The following SAMD5 variants were observed in gnomAD, a reference collection of about 807,000 sequenced individuals.
The protein encoded by SAMD5 is sterile alpha motif domain-containing protein 5.
A neutral mutation model predicts 11.3 loss-of-function variants in SAMD5; 13 were observed. That is an observed-to-expected ratio of 1.15 (90% CI 0.75 to 1.83). The LOEUF (loss-of-function observed/expected upper bound fraction) is 1.83, where lower values mean the gene tolerates loss of function less well. Ranked by LOEUF, SAMD5 falls within the 40% of genes most tolerant of loss-of-function variation. SAMD5 has a pLI of 0.00. For missense variants in SAMD5, 255 were observed against 239.1 expected, an observed-to-expected ratio of 1.07 and a Z score of -0.44; for synonymous variants, 129 against 111.3, an observed-to-expected ratio of 1.16 and a Z score of -1.00.
chr6:147,704,187 G>T (rs145913209), intron 1 of SAMD5, among the ~76,000 whole-genome samples: 2 of 152,042 alleles, frequency 1.3e-5, no homozygotes, highest in Non-Finnish European at 2.9e-5. Flanking sequence ...GAGCCACTGC[G>T]CCTGGCCATT....
the SAMD5 span, among the ~76,000 whole-genome samples, chr6:147,904,266 A>G: frequency 6.6e-6 from 1 of 152,184 alleles, no homozygotes; most frequent in Admixed American, 6.5e-5. Flanking sequence ...TGGCGTGTGC[A>G]TGAAAATGAT....
the SAMD5 span, among the ~76,000 whole-genome samples, chr6:147,848,833 T>C: frequency 1.3e-5 from 2 of 152,250 alleles, no homozygotes; most frequent in East Asian, 1.9e-4. Flanking sequence ...TTTGGACTTT[T>C]AGCCATTTCG....
At chr6:147,927,027 C>T in the SAMD5 span, among the ~76,000 whole-genome samples, 2 of 152,246 alleles carry the variant, frequency 1.3e-5, no homozygotes, top group Non-Finnish European at 2.9e-5. Context: ...GTCTATGTGT[C>T]TGTTTTTGTA....
chr6:147,845,076 G>A, the SAMD5 span, among the ~76,000 whole-genome samples: 6 of 152,142 alleles, frequency 3.9e-5, no homozygotes, highest in South Asian at 2.1e-4. Context: ...TTGTATACAC[G>A]TATCAAGACA....
intron 1 of SAMD5, among the ~76,000 whole-genome samples, chr6:147,616,681 A>G (rs192314150): frequency 3.3e-5 from 5 of 152,348 alleles, no homozygotes; most frequent in Admixed American, 3.3e-4. Flanking sequence ...AGTAATTTAT[A>G]AAGGAAAGAG....
chr6:147,908,217 A>G, the SAMD5 span, among the ~76,000 whole-genome samples: 1 of 152,194 alleles, frequency 6.6e-6, no homozygotes, highest in African/African-American at 2.4e-5. Context: ...TGACTCTATT[A>G]TGGAACCTCT....
At chr6:147,571,640 C>T (rs961786062), downstream of SAMD5, among the ~76,000 whole-genome samples, 2 of 152,108 alleles carry the variant, frequency 1.3e-5, no homozygotes, top group Non-Finnish European at 2.9e-5. Flanking sequence ...GAATGATGAG[C>T]ACCAATTGTG....
chr6:147,745,012 G>A, the SAMD5 span, among the ~76,000 whole-genome samples: 1 of 152,192 alleles, frequency 6.6e-6, no homozygotes, highest in African/African-American at 2.4e-5. Context: ...ATTATAAGAT[G>A]GTAGAGAAGT....
chr6:147,662,082 C>G (rs1340689827), intron 1 of SAMD5, among the ~76,000 whole-genome samples: 3 of 152,174 alleles, frequency 2.0e-5, no homozygotes, highest in Non-Finnish European at 4.4e-5. Context: ...AGCAAAGCCC[C>G]GATGACCCAC....
At chr6:147,802,841 T>C in the SAMD5 span, among the ~76,000 whole-genome samples, 31 of 152,236 alleles carry the variant, frequency 2.0e-4, no homozygotes, top group Admixed American at 2.0e-3. Context: ...GTGAGCAATA[T>C]GACACAGTTT....
At chr6:147,817,400 G>A in the SAMD5 span, among the ~76,000 whole-genome samples, 2 of 152,202 alleles carry the variant, frequency 1.3e-5, no homozygotes, top group African/African-American at 4.8e-5. Flanking sequence ...ATCTCAGCAA[G>A]TGCCGATTGA....
chr6:147,710,294 A>G (rs891901155), intron 1 of SAMD5, among the ~76,000 whole-genome samples: 1 of 152,082 alleles, frequency 6.6e-6, no homozygotes, highest in African/African-American at 2.4e-5. Flanking sequence ...AAGTACACTT[A>G]CCCCGCCCTT....
downstream of SAMD5, among the ~76,000 whole-genome samples, chr6:147,572,914 C>A (rs1475159169): frequency 6.6e-6 from 1 of 152,098 alleles, no homozygotes; most frequent in Non-Finnish European, 1.5e-5. Flanking sequence ...ATTATTTCTT[C>A]CCCAAAGGGT....
the SAMD5 span, among the ~76,000 whole-genome samples, chr6:147,897,600 C>T: frequency 1.3e-5 from 2 of 152,142 alleles, no homozygotes; most frequent in Non-Finnish European, 2.9e-5. Context: ...CAAATCACCT[C>T]ATTCCTGGGG....
At chr6:147,573,669 A>T (rs1233250210), downstream of SAMD5, among the ~76,000 whole-genome samples, 2 of 152,214 alleles carry the variant, frequency 1.3e-5, no homozygotes, top group African/African-American at 4.8e-5. Flanking sequence ...TTCTGGGAAA[A>T]CTTAGCAAAA....
At chr6:147,834,856 G>A in the SAMD5 span, among the ~76,000 whole-genome samples, 2 of 152,168 alleles carry the variant, frequency 1.3e-5, no homozygotes, top group Admixed American at 1.3e-4. Context: ...CTATGATGTG[G>A]AAACTCCACC....
At chr6:147,882,303 G>C in the SAMD5 span, among the ~76,000 whole-genome samples, 1 of 152,270 alleles carries the variant, frequency 6.6e-6, no homozygotes, top group South Asian at 2.1e-4. Context: ...AGGAGAGAAA[G>C]ATGAAGTGAT....
the SAMD5 span, among the ~76,000 whole-genome samples, chr6:147,854,094 G>T: frequency 6.6e-6 from 1 of 152,074 alleles, no homozygotes; most frequent in East Asian, 1.9e-4. Context: ...GAAAATCATC[G>T]CTCAGGAGGC....
chr6:147,642,092 G>A (rs761042634), intron 1 of SAMD5, among the ~76,000 whole-genome samples: 3 of 152,138 alleles, frequency 2.0e-5, no homozygotes, highest in Non-Finnish European at 2.9e-5. Flanking sequence ...GAACAACAGG[G>A]TTGTTATACA....
Sources: gnomAD v4.1 joint callset for allele counts (sites outside exome capture counted in the v4.1 genomes callset) on GRCh38, gnomAD v4.1.1 for gene constraint, MANE v1.5 for transcripts, NCBI Gene and HGNC (gene_info 2026-07-23, HGNC 2026-07-21) for gene names.